VPS13D: variants seen among roughly 807,000 people sequenced by gnomAD.
The protein encoded by VPS13D is intermembrane lipid transfer protein VPS13D.
A neutral mutation model predicts 461.9 loss-of-function variants in VPS13D; 187 were observed. The observed-to-expected ratio is 0.40, with a 90% CI of 0.36 to 0.46. VPS13D has a LOEUF of 0.46. Among genes scored for constraint, VPS13D ranks in the 20% least tolerant of loss-of-function variants. The pLI is 0.60. For synonymous variants in VPS13D, 1,951 were observed against 1,986.3 expected (o/e 0.98, Z 0.47); for missense variants, 4,711 against 5,364.9 (o/e 0.88, Z 3.81).
At chr1:12,331,281 C>A (rs1643325731) in intron 37 of VPS13D, among the ~76,000 whole-genome samples, 1 of 152,116 alleles carries the variant, frequency 6.6e-6, no homozygotes, top group South Asian at 2.1e-4. Context: ...CGGCCTGCTC[C>A]CTTTAATTTC....
intron 5 of VPS13D, among the ~76,000 whole-genome samples, chr1:12,247,341 C>T (rs943695205): frequency 6.6e-6 from 1 of 150,916 alleles, no homozygotes; most frequent in African/African-American, 2.4e-5. Context: ...CGCTTGAACC[C>T]GGGAGACGGA....
chr1:12,465,665 G>A (rs1350247953), intron 67 of VPS13D, among the ~76,000 whole-genome samples: 2 of 152,222 alleles, frequency 1.3e-5, no homozygotes, highest in East Asian at 1.9e-4. Flanking sequence ...CCCAAAATCT[G>A]TTAAGACACT....
chr1:12,389,533 G>A (rs561639144), intron 60 of VPS13D, among the ~76,000 whole-genome samples: 1 of 152,310 alleles, frequency 6.6e-6, no homozygotes, highest in South Asian at 2.1e-4. Context: ...TAATGAAGGA[G>A]AAAGGAAATA....
intron 1 of VPS13D, among the ~76,000 whole-genome samples, chr1:12,233,194 C>T (rs1158689745): frequency 2.0e-5 from 3 of 151,994 alleles, no homozygotes; most frequent in Admixed American, 6.6e-5. Flanking sequence ...TTGGTAGAGA[C>T]AGGGTTTCAC....
chr1:12,310,797 C>CCTTCCTTCCTTCCT lies in VPS13D; in HGVS notation c.6651-657_6651-656insCTTCCTTCCTTCCT, dbSNP rs1642716909. On this transcript the variant is annotated intron_variant, in intron 27 of 69. Transcript: ENST00000620676. ...CTTCCTTCCTTCCTTCCTTCCTTCC[C>CCTTCCTTCCTTCCT]TCCCTCCCTCCCTCCCTCCCTCCTT... Among the ~76,000 whole-genome samples the CCTTCCTTCCTTCCT allele has an allele frequency of 7.0e-5, 8 of 114,606 alleles. No homozygotes were observed. The South Asian group carries it at 1.3e-3, about 19-fold the overall frequency. 75.2% of individuals were successfully genotyped at this position (114,606 alleles called of 152,430 possible). A position where few individuals can be genotyped will look rare whatever the true frequency, so the allele number is the denominator to read the frequency against.
Position 12,473,971 on chromosome 1 carries a change from T to G in VPS13D, c.12662+13575T>G, listed in dbSNP as rs1279627587. Among the ~76,000 whole-genome samples, 1 of 152,112 alleles carries G rather than the reference T, an allele frequency of 6.6e-6. No homozygotes were observed. The highest frequency in any genetic ancestry group is 1.5e-5 in the Non-Finnish European group (1 of 68,022). On this transcript the variant is annotated intron_variant, in intron 67 of 69. Coordinates refer to ENST00000620676, the MANE Select transcript of VPS13D (RefSeq NM_015378.4). This position sits in a 1 kb window ranked among gnomAD's most constrained non-coding sequence, Gnocchi z 4.2. ...GGCCACGAACTTGCTCTGAACCCAC[T>G]TGTGAAGAGCAGGTGACCCCAAACT...
At chr1:12,425,721 G>T (rs1053527571) in intron 65 of VPS13D, among the ~76,000 whole-genome samples, 3 of 148,658 alleles carry the variant, frequency 2.0e-5, no homozygotes, top group Non-Finnish European at 4.5e-5. Context: ...GAGAGGGAGG[G>T]AGGGAGGGAA....
rs1474125250 is a variant in VPS13D at position 12,378,503 on chromosome 1, C to T, written c.10993C>T (p.His3665Tyr). The T allele has an allele frequency of 6.2e-6, 10 of 1,612,806 alleles. No individual in the cohort carries two copies. Among genetic ancestry groups the T allele is most frequent in the Admixed American group, 1.7e-5 (1 of 59,794 alleles). Reference protein sequence around the residue: ...MLAHEGSSVPHNPNKPSAARS... With the variant: ...MLAHEGSSVPYNPNKPSAARS... ...GGCCCATGAGGGCTCCTCAGTTCCTCACAATCCCAATAAGCCCTCAGCCGC... is the reference window on the plus strand; with the variant it reads ...GGCCCATGAGGGCTCCTCAGTTCCTTACAATCCCAATAAGCCCTCAGCCGC... Residue 3665 changes from histidine (H) to tyrosine (Y), a missense_variant, in exon 56 of 70, where the codon CAC becomes TAC. Coordinates refer to ENST00000620676, the MANE Select transcript of VPS13D (RefSeq NM_015378.4).
At chr1:12,490,719 G>A (rs1645867256) in intron 67 of VPS13D, among the ~76,000 whole-genome samples, 1 of 151,768 alleles carries the variant, frequency 6.6e-6, no homozygotes, top group Non-Finnish European at 1.5e-5. Flanking sequence ...GGCCTGGTGG[G>A]AGCTACAGGT....
chr1:12,490,952 C>A (rs1353487859), intron 67 of VPS13D, among the ~76,000 whole-genome samples: 1 of 152,230 alleles, frequency 6.6e-6, no homozygotes, highest in Non-Finnish European at 1.5e-5. Flanking sequence ...GTCTACTCTA[C>A]TGCAGACAGT....
intron 56 of VPS13D, 114 bp downstream of exon 56, chr1:12,378,705 TC>T: frequency 1.7e-6 from 2 of 1,160,852 alleles, no homozygotes; most frequent in Non-Finnish European, 2.3e-6. Context: ...TATATTTTTT[TC>T]AATGACAAAA....
chr1:12,273,277 T>G, intron 18 of VPS13D, 142 bp downstream of exon 18: 1 of 1,060,790 alleles, frequency 9.4e-7, no homozygotes, highest in Non-Finnish European at 1.3e-6. Context: ...ATCTGTAACT[T>G]TTTAAATAAT....
At chr1:12,483,505 T>C (rs1645752744) in intron 67 of VPS13D, among the ~76,000 whole-genome samples, 2 of 152,168 alleles carry the variant, frequency 1.3e-5, no homozygotes, top group African/African-American at 2.4e-5. Context: ...TTAATTCTTA[T>C]CTAGTGTTGG....
At chr1:12,284,232 A>C (rs1014505260) in intron 21 of VPS13D, among the ~76,000 whole-genome samples, 30 of 152,166 alleles carry the variant, frequency 2.0e-4, no homozygotes, top group African/African-American at 6.8e-4. Flanking sequence ...TGGTACTTTC[A>C]CTGTACCCAT....
rs145625450 is a variant in VPS13D at position 12,382,977 on chromosome 1, C to T, written c.11192C>T (p.Ala3731Val). The change falls in exon 58 of 70, where the codon GCC becomes GTC. Residue 3731 changes from alanine to valine, a missense_variant and splice_region_variant. By Grantham distance (64) the Ala-to-Val change is moderately conservative. Transcript: ENST00000620676. ...TCGLHGLVVQAKGGLSGLFDG... is the reference protein window; with the variant it reads ...TCGLHGLVVQVKGGLSGLFDG... ...TGTCTCTACTCCAATGTCTTTTAGG[C>T]CAAAGGAGGACTTTCTGGTTTGTTT... is the stretch of plus-strand genomic sequence containing the variant. 7.8e-5 allele frequency: 125 copies of T among 1,612,672 alleles called. No individual in the cohort carries two copies. Among genetic ancestry groups the T allele is most frequent in the Non-Finnish European group, 9.7e-5 (115 of 1,179,518 alleles).
chr1:12,284,574 G>A (rs78952869), intron 21 of VPS13D, among the ~76,000 whole-genome samples: 3,128 of 152,296 alleles, frequency 0.021, 152 homozygotes, highest in Admixed American at 0.12. Flanking sequence ...CCATTCGAGG[G>A]CACATAGGCC....
At chr1:12,416,506 G>A (rs927654084) in intron 64 of VPS13D, among the ~76,000 whole-genome samples, 154 bp from the exon 65 acceptor site, 1 of 152,200 alleles carries the variant, frequency 6.6e-6, no homozygotes, top group African/African-American at 2.4e-5. Flanking sequence ...AGATTATTTT[G>A]CAGTTGATGA....
chr1:12,344,065 T>C (rs1643625401), intron 42 of VPS13D, among the ~76,000 whole-genome samples: 1 of 152,190 alleles, frequency 6.6e-6, no homozygotes, highest in Admixed American at 6.5e-5. Flanking sequence ...TGTGAGAAAA[T>C]GTTCTATCTG....
At chr1:12,270,641 A>G (rs1320184201) in intron 16 of VPS13D, among the ~76,000 whole-genome samples, 4 of 152,090 alleles carry the variant, frequency 2.6e-5, no homozygotes. Flanking sequence ...CTGTCCATTC[A>G]CTTACGCTTT....
Sources: allele counts gnomAD v4.1 joint callset (sites outside exome capture counted in the v4.1 genomes callset), GRCh38; gene constraint gnomAD v4.1.1; non-coding constraint Gnocchi (gnomAD v3.1); transcripts MANE v1.5; gene names NCBI Gene and HGNC (gene_info 2026-07-23, HGNC 2026-07-21).